CLSTN2: variants seen among roughly 807,000 people sequenced by gnomAD.
CLSTN2 encodes calsyntenin 2.
Under a neutral mutation model 101.2 loss-of-function variants are expected in CLSTN2, and 48 were observed. The ratio of observed to expected loss-of-function variants is 0.47; its 90% confidence interval spans 0.38 to 0.60. The LOEUF is 0.60. CLSTN2 is among the 20% of genes least tolerant of loss of function. The pLI, the probability that CLSTN2 is intolerant of heterozygous loss-of-function variation, is 0.00. For synonymous variants in CLSTN2, 481 were observed against 463.6 expected (o/e 1.04, Z -0.48); for missense variants, 1,160 against 1,238.2 (o/e 0.94, Z 0.95).
At chr3:140,337,759 T>G (rs2087457065) in intron 2 of CLSTN2, among the ~76,000 whole-genome samples, 1 of 152,224 alleles carries the variant, frequency 6.6e-6, no homozygotes, top group Non-Finnish European at 1.5e-5. Context: ...AGGGGTGTCA[T>G]GGAAACTGAG....
chr3:140,226,057 T>C (rs895420730), intron 2 of CLSTN2, among the ~76,000 whole-genome samples: 51 of 152,340 alleles, frequency 3.3e-4, no homozygotes, highest in African/African-American at 1.2e-3. Context: ...AATTAACTGT[T>C]GATATATACA....
At chr3:140,092,485 C>G (rs1157775279) in intron 1 of CLSTN2, among the ~76,000 whole-genome samples, 1 of 152,112 alleles carries the variant, frequency 6.6e-6, no homozygotes, top group Non-Finnish European at 1.5e-5. Flanking sequence ...TATTCATGGG[C>G]AATTAAGTGT....
chr3:140,333,093 G>C (rs1437233864), intron 2 of CLSTN2, among the ~76,000 whole-genome samples: 1 of 152,160 alleles, frequency 6.6e-6, no homozygotes, highest in Non-Finnish European at 1.5e-5. Flanking sequence ...TAGGACCCCA[G>C]GTGGAGCTCA....
At chr3:140,250,073 A>T (rs1330376970) in intron 2 of CLSTN2, among the ~76,000 whole-genome samples, 1 of 152,210 alleles carries the variant, frequency 6.6e-6, no homozygotes, top group African/African-American at 2.4e-5. Flanking sequence ...ATTTTTTATT[A>T]GGCAAAAAAC....
intron 2 of CLSTN2, among the ~76,000 whole-genome samples, chr3:140,192,108 A>T (rs188165817): frequency 1.8e-3 from 278 of 152,026 alleles, no homozygotes; most frequent in African/African-American, 5.9e-3. Context: ...TGTGTTGCAA[A>T]GTTGCTAAAT....
chr3:140,382,254 C>G (rs1264984047), intron 2 of CLSTN2, among the ~76,000 whole-genome samples: 2 of 152,194 alleles, frequency 1.3e-5, no homozygotes, highest in Non-Finnish European at 2.9e-5. Flanking sequence ...TTCTATTAGG[C>G]CTGGTCCCAG....
chr3:140,367,249 T>C (rs1447627932), intron 2 of CLSTN2, among the ~76,000 whole-genome samples: 2 of 151,970 alleles, frequency 1.3e-5, no homozygotes, highest in African/African-American at 4.8e-5. Flanking sequence ...ATGCGGTGGC[T>C]CACACCTGTA....
At chr3:140,166,711 G>A (rs1392154329) in intron 1 of CLSTN2, among the ~76,000 whole-genome samples, 1 of 152,150 alleles carries the variant, frequency 6.6e-6, no homozygotes, top group African/African-American at 2.4e-5. Flanking sequence ...TAATTTCTGT[G>A]TAAATGGAGC....
At chr3:140,520,935 G>T (rs1935010680) in intron 8 of CLSTN2, among the ~76,000 whole-genome samples, 1 of 151,792 alleles carries the variant, frequency 6.6e-6, no homozygotes, top group Non-Finnish European at 1.5e-5. Flanking sequence ...TTTCCACTTG[G>T]TCTATTCTGT....
intron 8 of CLSTN2, among the ~76,000 whole-genome samples, chr3:140,523,899 T>C (rs1036997056): frequency 6.6e-6 from 1 of 152,220 alleles, no homozygotes; most frequent in Non-Finnish European, 1.5e-5. Flanking sequence ...CTGCTACAAA[T>C]GGTCCTCTTC....
intron 1 of CLSTN2, among the ~76,000 whole-genome samples, chr3:140,169,711 T>G (rs1462495369): frequency 6.6e-6 from 1 of 152,222 alleles, no homozygotes; most frequent in Non-Finnish European, 1.5e-5. Context: ...TTTTCTCATT[T>G]TATCTCAATA....
intron 15 of CLSTN2, 145 bp downstream of exon 15, chr3:140,563,348 G>T (rs1576379494): frequency 5.8e-6 from 5 of 855,498 alleles, no homozygotes; most frequent in Non-Finnish European, 7.2e-6. Context: ...ATGTGCCCTG[G>T]CTTTGAGATA....
intron 2 of CLSTN2, among the ~76,000 whole-genome samples, chr3:140,369,587 T>C (rs1282359320): frequency 6.9e-6 from 1 of 145,550 alleles, no homozygotes; most frequent in South Asian, 2.2e-4. Flanking sequence ...TAAAAAAAAA[T>C]GAAGATATGC....
chr3:140,330,788 A>G (rs564058664), intron 2 of CLSTN2, among the ~76,000 whole-genome samples: 21 of 152,296 alleles, frequency 1.4e-4, no homozygotes, highest in African/African-American at 4.8e-4. Flanking sequence ...TGTTCTGTGC[A>G]CATCTAACCT....
chr3:140,301,638 G>A (rs527652301), intron 2 of CLSTN2, among the ~76,000 whole-genome samples: 3 of 152,330 alleles, frequency 2.0e-5, no homozygotes, highest in African/African-American at 4.8e-5. Flanking sequence ...AAGGGTCACA[G>A]GGAACCCCAG....
At chr3:140,267,328 C>G (rs780089153) in intron 2 of CLSTN2, among the ~76,000 whole-genome samples, 22 of 152,122 alleles carry the variant, frequency 1.4e-4, no homozygotes, top group Non-Finnish European at 2.4e-4. Context: ...GGAGCAAGCC[C>G]ACTCTCTAAA....
chr3:140,359,439 T>C (rs376460440), intron 2 of CLSTN2, among the ~76,000 whole-genome samples: 15 of 152,364 alleles, frequency 9.8e-5, no homozygotes, highest in African/African-American at 3.4e-4. Context: ...AGGGCTGCAC[T>C]GATGCTAAAC....
chr3:140,142,414 A>G (rs994903333), intron 1 of CLSTN2, among the ~76,000 whole-genome samples: 1 of 152,176 alleles, frequency 6.6e-6, no homozygotes, highest in East Asian at 1.9e-4. Flanking sequence ...CAGGCCTCTC[A>G]GTGAGAAGGC....
intron 2 of CLSTN2, among the ~76,000 whole-genome samples, chr3:140,371,394 C>T (rs780933263): frequency 3.7e-4 from 57 of 152,192 alleles, no homozygotes; most frequent in Non-Finnish European, 7.4e-4. Flanking sequence ...GGGTGGGAAA[C>T]AAGGAGCTGT....
Sources: allele counts gnomAD v4.1 joint callset (sites outside exome capture counted in the v4.1 genomes callset), GRCh38; gene constraint gnomAD v4.1.1; transcripts MANE v1.5; gene names NCBI Gene and HGNC (gene_info 2026-07-23, HGNC 2026-07-21).